The following DPP10 variants were observed in gnomAD, a reference collection of about 807,000 sequenced individuals.
The protein encoded by DPP10 is inactive dipeptidyl peptidase 10.
A neutral mutation model predicts 120.9 loss-of-function variants in DPP10; 33 were observed. That is an observed-to-expected ratio of 0.27 (90% confidence interval 0.21 to 0.37). The LOEUF (loss-of-function observed/expected upper bound fraction) is 0.37, where lower values mean the gene tolerates loss of function less well. Ranked by LOEUF, DPP10 falls within the 10% of genes least tolerant of loss-of-function variation. DPP10 has a pLI of 1.00. For synonymous variants in DPP10, 337 were observed against 326.1 expected (o/e 1.03, Z -0.36); for missense variants, 816 against 942.8 (o/e 0.87, Z 1.76).
intron 1 of DPP10, among the ~76,000 whole-genome samples, chr2:115,097,867 T>G (rs2048478488): frequency 6.6e-6 from 1 of 152,156 alleles, no homozygotes; most frequent in Non-Finnish European, 1.5e-5. Context: ...CACTTTTTGA[T>G]CACTGTTTTA....
At chr2:115,424,427 C>G (rs2070265454) in intron 3 of DPP10, among the ~76,000 whole-genome samples, 1 of 151,550 alleles carries the variant, frequency 6.6e-6, no homozygotes. Flanking sequence ...ATTAATTTTG[C>G]CACAGATTAT....
chr2:114,959,634 T>C (rs1222016325), intron 1 of DPP10, among the ~76,000 whole-genome samples: 3 of 152,206 alleles, frequency 2.0e-5, no homozygotes, highest in African/African-American at 7.2e-5. Flanking sequence ...TTGTTTAACA[T>C]GTTAAGGAAC....
chr2:114,777,984 CGT>C (rs1681913817), intron 1 of DPP10, among the ~76,000 whole-genome samples: 3 of 151,990 alleles, frequency 2.0e-5, no homozygotes, highest in Non-Finnish European at 4.4e-5. Flanking sequence ...TTGAATTTGT[CGT>C]GTCTTTCATT....
At position 115,836,142 on chromosome 2, in the gene DPP10, A is replaced by ATAT. The variant is rs1689492207; in HGVS notation, c.1951-14_1951-13insATT. ...GAGATATATATATATATATATATAT[A>ATAT]TTTTTCCCCCCCAGGGTTATGGTGG... On this transcript the variant is annotated splice_polypyrimidine_tract_variant and intron_variant, in intron 21 of 25. Transcript: ENST00000410059. 1 of 1,254,448 alleles carries ATAT rather than the reference A, an allele frequency of 8.0e-7. No homozygotes were observed. The highest frequency in any genetic ancestry group is 1.6e-5 in the South Asian group (1 of 61,054). The allele number at this position is 1,254,448 out of a possible 1,614,324, so 77.7% of individuals were successfully genotyped here. A position where few individuals can be genotyped will look rare whatever the true frequency, so the allele number is the denominator to read the frequency against.
chr2:115,431,423 A>G (rs138055400), intron 3 of DPP10, among the ~76,000 whole-genome samples: 207 of 152,272 alleles, frequency 1.4e-3, no homozygotes, highest in African/African-American at 4.8e-3. Context: ...ACTCTTGCAT[A>G]TTACTAGGTC....
chr2:114,948,111 G>A (rs1264891629), intron 1 of DPP10, among the ~76,000 whole-genome samples: 1 of 151,584 alleles, frequency 6.6e-6, no homozygotes, highest in East Asian at 1.9e-4. Context: ...CTTACCTTAT[G>A]TTTCTTCTAT....
intron 1 of DPP10, chr2:114,833,629 C>T (rs1687339227): frequency 6.6e-6 from 1 of 152,160 alleles, no homozygotes. Context: ...GAGTCAGGCA[C>T]CTCCAAGTCT....
intron 1 of DPP10, among the ~76,000 whole-genome samples, chr2:114,952,223 A>T (rs1483088235): frequency 6.6e-6 from 1 of 151,994 alleles, no homozygotes; most frequent in Non-Finnish European, 1.5e-5. Flanking sequence ...TTACAAATAC[A>T]AGTGCTTATA....
intron 1 of DPP10, among the ~76,000 whole-genome samples, chr2:114,817,462 A>G (rs1392688149): frequency 6.6e-6 from 1 of 152,204 alleles, no homozygotes; most frequent in Non-Finnish European, 1.5e-5. Flanking sequence ...TCTAACCTGT[A>G]GGCTAGAAGT....
At chr2:115,653,573 T>C (rs1182621485) in intron 5 of DPP10, among the ~76,000 whole-genome samples, 3 of 151,968 alleles carry the variant, frequency 2.0e-5, no homozygotes, top group Non-Finnish European at 4.4e-5. Context: ...GTTTTCCCAA[T>C]ATACAATAAA....
At chr2:115,003,697 C>T (rs10188917) in intron 1 of DPP10, among the ~76,000 whole-genome samples, 2,590 of 152,054 alleles carry the variant, frequency 0.017, 70 homozygotes, top group African/African-American at 0.06. Flanking sequence ...CTCAAAAGAA[C>T]CACAAATTAT....
rs375236956 is a variant in DPP10 at position 115,710,409 on chromosome 2, C to A, written c.577-17407C>A. Among the ~76,000 whole-genome samples the A allele has an allele frequency of 7.2e-5, 11 of 152,172 alleles. No individual in the cohort carries two copies. In the East Asian group the frequency reaches 9.6e-4, roughly 13 times the overall value. On this transcript the variant is annotated intron_variant, in intron 7 of 25. Transcript: ENST00000410059. The stretch of plus-strand genomic sequence containing the variant: ...GAGAAAGAAAATTATACATTTGTAA[C>A]ATTTCTATGTTTTACATGAGATTAT...
chr2:115,493,089 G>A (rs2076210326), intron 3 of DPP10, among the ~76,000 whole-genome samples: 1 of 151,876 alleles, frequency 6.6e-6, no homozygotes, highest in Non-Finnish European at 1.5e-5. Context: ...ATAAATATAT[G>A]TTAAATTTTA....
At chr2:115,686,902 T>G (rs1275494816) in intron 5 of DPP10, among the ~76,000 whole-genome samples, 1 of 152,056 alleles carries the variant, frequency 6.6e-6, no homozygotes, top group Non-Finnish European at 1.5e-5. Context: ...AGATGCTCAG[T>G]TTGGCTTTCA....
intron 1 of DPP10, among the ~76,000 whole-genome samples, chr2:114,459,146 A>C (rs893639603): frequency 1.3e-5 from 2 of 152,184 alleles, no homozygotes; most frequent in Non-Finnish European, 1.5e-5. Context: ...TTGTTTGCAG[A>C]ATGAGTGTTG....
At chr2:114,461,165 A>C (rs1200876105) in intron 1 of DPP10, among the ~76,000 whole-genome samples, 1 of 152,196 alleles carries the variant, frequency 6.6e-6, no homozygotes, top group African/African-American at 2.4e-5. Context: ...AAAGTCATCA[A>C]TTTGAAGCTT....
chr2:115,097,845 T>C (rs1168724088), intron 1 of DPP10, among the ~76,000 whole-genome samples: 2 of 152,180 alleles, frequency 1.3e-5, no homozygotes, highest in Admixed American at 6.5e-5. Flanking sequence ...AATACTAGCT[T>C]TCTACAGAGA....
intron 3 of DPP10, among the ~76,000 whole-genome samples, chr2:115,409,258 A>G (rs76089579): frequency 0.08 from 12,192 of 152,204 alleles, 545 homozygotes; most frequent in Middle Eastern, 0.13. Flanking sequence ...ACAAATTACC[A>G]AAACAAACTC....
At chr2:115,092,285 A>G (rs1449745523) in intron 1 of DPP10, among the ~76,000 whole-genome samples, 1 of 152,076 alleles carries the variant, frequency 6.6e-6, no homozygotes, top group African/African-American at 2.4e-5. Context: ...TAATTTGTTC[A>G]TTTTATTGCT....
Sources: gnomAD v4.1 joint callset for allele counts (sites outside exome capture counted in the v4.1 genomes callset) on GRCh38, gnomAD v4.1.1 for gene constraint, MANE v1.5 for transcripts, NCBI Gene and HGNC (gene_info 2026-07-23, HGNC 2026-07-21) for gene names.